Variants in SNX2 observed in about 807,000 individuals in gnomAD.
SNX2 encodes sorting nexin-2.
Under a neutral mutation model 69.9 loss-of-function variants are expected in SNX2, and 25 were observed. The ratio of observed to expected loss-of-function variants is 0.36; its 90% confidence interval spans 0.26 to 0.50. SNX2 has a LOEUF of 0.50. SNX2 is among the 20% of genes least tolerant of loss of function. The pLI, the probability that SNX2 is intolerant of heterozygous loss-of-function variation, is 0.97. For missense variants in SNX2, 551 were observed against 613.3 expected, an observed-to-expected ratio of 0.90 and a Z score of 1.07; for synonymous variants, 229 against 200.4, an observed-to-expected ratio of 1.14 and a Z score of -1.20.
intron 12 of SNX2, chr5:122,826,616 T>C (rs1423071471): frequency 1.1e-6 from 1 of 914,368 alleles, no homozygotes; most frequent in Non-Finnish European, 1.3e-6. Context: ...TTTATACACT[T>C]TTCTTACCAT....
chr5:122,782,592 G>T (rs761557979), intron 1 of SNX2, among the ~76,000 whole-genome samples: 1 of 151,454 alleles, frequency 6.6e-6, no homozygotes, highest in Non-Finnish European at 1.5e-5. Context: ...CTAGAGAGCA[G>T]TTGGCACAAT....
chr5:122,818,761 A>C, intron 10 of SNX2, 57 bp from the exon 11 acceptor site: 1 of 1,425,186 alleles, frequency 7.0e-7, no homozygotes, highest in Non-Finnish European at 9.6e-7. Flanking sequence ...AATCAATACA[A>C]TATTTTAAAA....
At chr5:122,792,487 C>G (rs1467295521) in intron 1 of SNX2, among the ~76,000 whole-genome samples, 1 of 151,738 alleles carries the variant, frequency 6.6e-6, no homozygotes, top group Non-Finnish European at 1.5e-5. Context: ...GTCCCGGCTA[C>G]TTGGGAGGCT....
chr5:122,775,165 T>C lies in SNX2; in HGVS notation c.62T>C (p.Leu21Pro), dbSNP rs1752826966. Residue 21 changes from leucine (L) to proline (P), a missense_variant, in exon 1 of 15, where the codon CTG becomes CCG. Leu to Pro is a moderately conservative substitution (Grantham distance 98). Around this residue, in one of 2 missense-constraint regions of SNX2, gnomAD observed 191 missense variants for 162.9 expected, o/e 1.17. Transcript: ENST00000379516. ...GDGKPTDFED[L>P]EDGEDLFTST... ...GGGAAGCCCACCGACTTTGAGGATC[T>C]GGAGGACGGAGAGGACCTGTTCACC... is the stretch of plus-strand genomic sequence containing the variant. 2 of 1,596,416 alleles carry C rather than the reference T, an allele frequency of 1.3e-6. No homozygotes were observed. The highest frequency in any genetic ancestry group is 8.5e-7 in the Non-Finnish European group (1 of 1,173,136).
chr5:122,811,553 T>A (rs1753777633), intron 7 of SNX2, among the ~76,000 whole-genome samples: 1 of 152,140 alleles, frequency 6.6e-6, no homozygotes, highest in Admixed American at 6.6e-5. Context: ...AGTGTGAGGC[T>A]GGGCGCGGTG....
intron 1 of SNX2, among the ~76,000 whole-genome samples, chr5:122,786,627 T>C (rs1018173493): frequency 4.6e-5 from 7 of 152,086 alleles, no homozygotes; most frequent in Non-Finnish European, 8.8e-5. Context: ...AAGTCATTGC[T>C]GCGCACACCA....
chr5:122,793,800 C>A (rs576079311), intron 1 of SNX2, among the ~76,000 whole-genome samples: 62 of 151,316 alleles, frequency 4.1e-4, no homozygotes, highest in Non-Finnish European at 5.9e-4. Flanking sequence ...GTAATCCCAG[C>A]TACTCAGGAG....
chr5:122,797,963 G>A (rs1362828022), intron 2 of SNX2, among the ~76,000 whole-genome samples: 5 of 152,100 alleles, frequency 3.3e-5, no homozygotes, highest in African/African-American at 4.8e-5. Context: ...TATCAGTAAA[G>A]TAAAATGTGA....
intron 1 of SNX2, among the ~76,000 whole-genome samples, chr5:122,787,514 T>TC (rs201879166): frequency 4.0e-4 from 59 of 145,798 alleles, no homozygotes; most frequent in Admixed American, 9.7e-4. Flanking sequence ...AGCAAGACTG[T>TC]CCCCCCCCAA....
chr5:122,829,505 T>C, intron 14 of SNX2, 93 bp from the exon 15 acceptor site: 1 of 990,860 alleles, frequency 1.0e-6, no homozygotes. Flanking sequence ...CAGCCCGGCT[T>C]ATGTAGATTT....
At chr5:122,806,142 G>GCACGCGCGCGCGCACACACACACACA (rs1554063175) in intron 6 of SNX2, among the ~76,000 whole-genome samples, 4 of 130,584 alleles carry the variant, frequency 3.1e-5, no homozygotes, top group African/African-American at 8.7e-5. Context: ...ACACGCGCGC[G>GCACGCGCGCGCGCACACACACACACA]CACACACACA....
At position 122,830,293 on chromosome 5, in the gene SNX2, A is replaced by G. The variant is rs1341694854; in HGVS notation, c.*645A>G. On this transcript the variant is annotated 3_prime_UTR_variant, in exon 15 of 15. Coordinates refer to ENST00000379516, the MANE Select transcript of SNX2 (RefSeq NM_003100.4). ...AAGTTTTCTTATGAAACCATCATAAATCAAAGAACATTTGACTCTTGATTG... is the reference window on the plus strand; with the variant it reads ...AAGTTTTCTTATGAAACCATCATAAGTCAAAGAACATTTGACTCTTGATTG... Among the ~76,000 whole-genome samples the G allele has an allele frequency of 3.3e-5, 5 of 152,208 alleles. No individual in the cohort carries two copies. The highest frequency in any genetic ancestry group is 5.9e-5 in the Non-Finnish European group (4 of 68,026).
In SNX2 at chr5:122,816,973, A is replaced by G. The variant is rs1451939678; in HGVS notation, c.857A>G (p.Asn286Ser). The change falls in exon 9 of 15, where the codon AAC (asparagine) becomes AGC (serine). Residue 286 changes from asparagine (N) to serine (S), a missense_variant. This residue lies in a region of SNX2 where 360 missense variants were observed against 450.4 expected (regional missense o/e 0.80). Coordinates refer to ENST00000379516, the MANE Select transcript of SNX2 (RefSeq NM_003100.4). ...LSGAGILRMV[N>S]KAADAVNKMT... ...GGAGCAGGAATATTGAGGATGGTGA[A>G]CAAGGCTGCCGACGCTGTCAACAAA... 1 of 1,613,956 alleles carries G rather than the reference A, an allele frequency of 6.2e-7. No homozygotes were observed. The highest frequency in any genetic ancestry group is 8.5e-7 in the Non-Finnish European group (1 of 1,179,866).
intron 1 of SNX2, 65 bp downstream of exon 1, chr5:122,775,276 CCGA>C: frequency 6.7e-7 from 1 of 1,485,422 alleles, no homozygotes; most frequent in Non-Finnish European, 9.0e-7. Flanking sequence ...TTCCCCTGCC[CCGA>C]CTTGTCCCTC....
intron 7 of SNX2, among the ~76,000 whole-genome samples, chr5:122,813,050 A>C (rs902377793): frequency 6.6e-6 from 1 of 152,136 alleles, no homozygotes; most frequent in Admixed American, 6.5e-5. Flanking sequence ...ATTGGATGTG[A>C]TATTGATCAA....
rs761124938 is a variant in SNX2, at chr5:122,833,325, A to G, written c.*3677A>G. The stretch of plus-strand genomic sequence containing the variant: ...AGGGCCATGAAGATAGGTCATGGTA[A>G]TCTATGGAGAAGGTCCTTAAGAGCA... On this transcript the variant is annotated 3_prime_UTR_variant, in exon 15 of 15. Coordinates refer to ENST00000379516, the MANE Select transcript of SNX2 (RefSeq NM_003100.4). The G allele has an allele frequency of 5.3e-5, 8 of 152,190 alleles. No individual in the cohort carries two copies. Among genetic ancestry groups the G allele is most frequent in the African/African-American group, 1.7e-4 (7 of 41,452 alleles). 9.4% of individuals were successfully genotyped at this position (152,190 alleles called of 1,614,324 possible). A position where few individuals can be genotyped will look rare whatever the true frequency, so the allele number is the denominator to read the frequency against.
At chr5:122,826,287 A>G (rs888021417) in intron 12 of SNX2, 94 bp downstream of exon 12, 3 of 1,060,526 alleles carry the variant, frequency 2.8e-6, no homozygotes, top group Non-Finnish European at 4.0e-6. Context: ...ACCATTCAAC[A>G]CGTAGCTATT....
intron 11 of SNX2, among the ~76,000 whole-genome samples, chr5:122,823,733 TG>T (rs1754081087): frequency 5.3e-5 from 8 of 150,992 alleles, no homozygotes; most frequent in Admixed American, 4.6e-4. Context: ...TGTGTGTGTG[TG>T]TGTCGGAAGT....
In SNX2 at chr5:122,830,216, T is replaced by G. The variant is rs764491252; in HGVS notation, c.*568T>G. 6.6e-6 allele frequency: 1 copy of G among 152,640 alleles called. No homozygotes were observed. Among genetic ancestry groups the G allele is most frequent in the Non-Finnish European group, 1.5e-5 (1 of 68,120 alleles). The allele number at this position is 152,640 out of a possible 1,614,324, so 9.5% of individuals were successfully genotyped here. Reference sequence around the variant, plus strand: ...TGTATATAGGTGATGCCATGATTCCTTAATTATTTTAATTGACAAAGCTGA... The same window carrying G: ...TGTATATAGGTGATGCCATGATTCCGTAATTATTTTAATTGACAAAGCTGA... On this transcript the variant is annotated 3_prime_UTR_variant, in exon 15 of 15. Coordinates refer to ENST00000379516, the MANE Select transcript of SNX2 (RefSeq NM_003100.4).
Sources: gnomAD v4.1 joint callset for allele counts (sites outside exome capture counted in the v4.1 genomes callset) on GRCh38, gnomAD v4.1.1 for gene constraint, gnomAD v4.1.1 regional missense constraint, MANE v1.5 for transcripts, NCBI Gene and HGNC (gene_info 2026-07-23, HGNC 2026-07-21) for gene names.